ULK4: variants seen among roughly 807,000 people sequenced by gnomAD.
ULK4 encodes the protein inactive serine/threonine-protein kinase ULK4.
In ULK4, 133 loss-of-function variants were observed where a neutral mutation model predicts 160.6. The observed-to-expected ratio is 0.83, with a 90% CI of 0.72 to 0.96. ULK4 has a LOEUF of 0.96. ULK4 is among the 40% of genes least tolerant of loss of function. ULK4 has a pLI of 0.00. For missense variants in ULK4, 1,580 were observed against 1,499.5 expected, an observed-to-expected ratio of 1.05 and a Z score of -0.89; for synonymous variants, 534 against 539.8, an observed-to-expected ratio of 0.99 and a Z score of 0.15.
chr3:41,534,354 C>T (rs974618780), intron 32 of ULK4, among the ~76,000 whole-genome samples: 6 of 151,928 alleles, frequency 3.9e-5, no homozygotes, highest in Non-Finnish European at 8.8e-5. Context: ...CTGGTAAAAC[C>T]GAAGCTGGAA....
intron 16 of ULK4, among the ~76,000 whole-genome samples, chr3:41,891,498 A>C (rs1697964576): frequency 6.6e-6 from 1 of 151,994 alleles, no homozygotes; most frequent in South Asian, 2.1e-4. Flanking sequence ...AAAAAAAAAA[A>C]AGGTAAGGTT....
intron 6 of ULK4, 72 bp from the exon 7 acceptor site, chr3:41,918,612 T>C: frequency 3.0e-6 from 3 of 988,962 alleles, no homozygotes; most frequent in Non-Finnish European, 4.4e-6. Context: ...TTTTTTTTTT[T>C]TTTTTTTGAG....
At chr3:41,647,232 G>T (rs1559458887) in intron 30 of ULK4, among the ~76,000 whole-genome samples, 1 of 152,332 alleles carries the variant, frequency 6.6e-6, no homozygotes, top group Non-Finnish European at 1.5e-5. Context: ...TCCGTTGCTG[G>T]TGAGGAACTG....
Position 41,896,917 on chromosome 3 carries a change from T to G in ULK4, c.1435A>C (p.Met479Leu). ...TTCAGCTTGGCTCGGGAGGCCCCCA[T>G]GCTCTTCTCAGTGGAGTCGATCTGC... is the stretch of plus-strand genomic sequence containing the variant. Reference protein sequence around the residue: ...CSQIDSTEKSMGASRAKLNLL... With the variant: ...CSQIDSTEKSLGASRAKLNLL... Residue 479 changes from methionine to leucine, a missense_variant, in exon 15 of 37, where the codon ATG becomes CTG. Met to Leu is a conservative substitution (Grantham distance 15). Coordinates refer to ENST00000301831, the MANE Select transcript of ULK4 (RefSeq NM_017886.4). The G allele has an allele frequency of 1.2e-6, 2 of 1,613,544 alleles. No individual in the cohort carries two copies. Among genetic ancestry groups the G allele is most frequent in the Non-Finnish European group, 1.7e-6 (2 of 1,179,888 alleles).
At chr3:41,773,623 T>A (rs931220106) in intron 21 of ULK4, among the ~76,000 whole-genome samples, 1 of 152,048 alleles carries the variant, frequency 6.6e-6, no homozygotes, top group Admixed American at 6.6e-5. Context: ...GAAGAATCAA[T>A]ATCGTGAAAA....
rs559987013 is a variant in ULK4 at position 41,735,972 on chromosome 3, G to C, written c.2322-18111C>G. Reference sequence around the variant, plus strand: ...TTTTTTGTCCTTGCGATAGTTTGCTGAGAATGATGGTTTCCAGCTTCATCC... The same window carrying C: ...TTTTTTGTCCTTGCGATAGTTTGCTCAGAATGATGGTTTCCAGCTTCATCC... On this transcript the variant is annotated intron_variant, in intron 22 of 36. Coordinates refer to ENST00000301831, the MANE Select transcript of ULK4 (RefSeq NM_017886.4). Among the ~76,000 whole-genome samples the C allele has an allele frequency of 6.8e-3, 1,021 of 151,134 alleles. 8 individuals carry two copies. The highest frequency in any genetic ancestry group is 0.024 in the African/African-American group (986 of 41,150).
At chr3:41,725,782 C>A (rs189261834) in intron 22 of ULK4, among the ~76,000 whole-genome samples, 1 of 152,236 alleles carries the variant, frequency 6.6e-6, no homozygotes, top group African/African-American at 2.4e-5. Flanking sequence ...CTGAAAACTA[C>A]GGAGATACTC....
chr3:41,830,331 T>C (rs1423965034), intron 18 of ULK4, among the ~76,000 whole-genome samples: 2 of 152,066 alleles, frequency 1.3e-5, no homozygotes, highest in Non-Finnish European at 2.9e-5. Context: ...AATTACTCTC[T>C]ATATCTACTT....
At position 41,789,705 on chromosome 3, in the gene ULK4, T is replaced by C. The variant is rs375955735; in HGVS notation, c.2149A>G (p.Met717Val). The C allele has an allele frequency of 1.9e-6, 3 of 1,610,448 alleles. No homozygotes were observed. The highest frequency in any genetic ancestry group is 2.5e-6 in the Non-Finnish European group (3 of 1,178,548). Residue 717 changes from methionine to valine, a missense_variant, in exon 21 of 37, where the codon ATG (methionine) becomes GTG (valine). Met to Val is a conservative substitution (Grantham distance 21). Coordinates refer to ENST00000301831, the MANE Select transcript of ULK4 (RefSeq NM_017886.4). ...TGAAGATGAATCCCACAGGACAACA[T>C]GGCAGCGAATAAGGTCAACATGTAC... ...QQYMLTLFAA[M>V]LSCGIHLQRL...
At chr3:41,663,386 C>T (rs1390976058) in intron 30 of ULK4, among the ~76,000 whole-genome samples, 1 of 152,134 alleles carries the variant, frequency 6.6e-6, no homozygotes, top group Non-Finnish European at 1.5e-5. Context: ...AAGCAGCATG[C>T]ATTCCACAGT....
intron 27 of ULK4, among the ~76,000 whole-genome samples, chr3:41,688,409 A>T (rs1205472823): frequency 6.6e-6 from 1 of 152,196 alleles, no homozygotes; most frequent in Non-Finnish European, 1.5e-5. Flanking sequence ...ATAAACAAAC[A>T]AATAGATGGT....
At chr3:41,644,552 C>G (rs1224618025) in intron 30 of ULK4, among the ~76,000 whole-genome samples, 1 of 152,102 alleles carries the variant, frequency 6.6e-6, no homozygotes, top group Non-Finnish European at 1.5e-5. Flanking sequence ...CCCACTTGAT[C>G]ATGGTGGATA....
Position 41,901,479 on chromosome 3 carries a change from C to CTTTTTTTT in ULK4, c.1183-658_1183-651dup, listed in dbSNP as rs566805860. On this transcript the variant is annotated intron_variant, in intron 12 of 36. Transcript: ENST00000301831. ...ACAGGCGTGAGCCACCACGCCCAGC[C>CTTTTTTTT]TTTTTTTTTTTTTTTTTTTGAGATA... Among the ~76,000 whole-genome samples the CTTTTTTTT allele has an allele frequency of 9.3e-4, 21 of 22,544 alleles. 6 individuals carry two copies. In the East Asian group the frequency reaches 0.013, roughly 13 times the overall value. The allele number at this position is 22,544 out of a possible 152,430, so 14.8% of individuals were successfully genotyped here.
chr3:41,385,029 G>A (rs1439699894), intron 35 of ULK4, among the ~76,000 whole-genome samples: 1 of 151,896 alleles, frequency 6.6e-6, no homozygotes, highest in Non-Finnish European at 1.5e-5. Flanking sequence ...ATTCCTGCCT[G>A]AACAACAGAG....
At position 41,912,879 on chromosome 3, in the gene ULK4, A is replaced by G. The variant is rs1698837606; in HGVS notation, c.824T>C (p.Leu275Pro). ...AGCTTTCTTCCAAAATGAATGCTGCAGTAGCCTTGTCCAAGTCAATCTTTA... is the reference window on the plus strand; with the variant it reads ...AGCTTTCTTCCAAAATGAATGCTGCGGTAGCCTTGTCCAAGTCAATCTTTA... ...PQKRLTWTRL[L>P]QHSFWKKAFA... The change falls in exon 9 of 37, where the codon CTG (leucine) becomes CCG (proline). Residue 275 changes from leucine to proline, a missense_variant. By Grantham distance (98) the Leu-to-Pro change is moderately conservative (BLOSUM62 -3). Coordinates refer to ENST00000301831, the MANE Select transcript of ULK4 (RefSeq NM_017886.4). 1 of 1,614,046 alleles carries G rather than the reference A, an allele frequency of 6.2e-7. No homozygotes were observed. Among genetic ancestry groups the G allele is most frequent in the Non-Finnish European group, 8.5e-7 (1 of 1,180,028 alleles).
At position 41,897,015 on chromosome 3, in the gene ULK4, AG is replaced by A. The variant is rs1698183296; in HGVS notation, c.1349-13del. The A allele has an allele frequency of 1.9e-6, 3 of 1,593,438 alleles. No individual in the cohort carries two copies. Among genetic ancestry groups the A allele is most frequent in the African/African-American group, 1.4e-5 (1 of 73,990 alleles). ...TAATAACTTATCCACTGCGATGGAAAGAAAATAATAAAAGTACATATGATGA... is the reference window on the plus strand; with the variant it reads ...TAATAACTTATCCACTGCGATGGAAAAAAATAATAAAAGTACATATGATGA... On this transcript the variant is annotated splice_polypyrimidine_tract_variant and intron_variant, in intron 14 of 36. Coordinates refer to ENST00000301831, the MANE Select transcript of ULK4 (RefSeq NM_017886.4).
chr3:41,705,418 C>T (rs1490196253), intron 25 of ULK4, 113 bp from the exon 26 acceptor site: 9 of 677,160 alleles, frequency 1.3e-5, no homozygotes, highest in African/African-American at 3.6e-5. Context: ...AACTCATAGA[C>T]AGTATTAAAT....
intron 35 of ULK4, among the ~76,000 whole-genome samples, chr3:41,253,628 A>C (rs2078778787): frequency 6.6e-6 from 1 of 152,150 alleles, no homozygotes. Flanking sequence ...CACTGAACCT[A>C]ATCAGAAATC....
At chr3:41,943,420 C>G (rs1575994833) in intron 2 of ULK4, among the ~76,000 whole-genome samples, 1 of 152,118 alleles carries the variant, frequency 6.6e-6, no homozygotes. Flanking sequence ...TATACACGCA[C>G]TTTCCAGCCC....
Sources: allele counts gnomAD v4.1 joint callset (sites outside exome capture counted in the v4.1 genomes callset), GRCh38; gene constraint gnomAD v4.1.1; transcripts MANE v1.5; gene names NCBI Gene and HGNC (gene_info 2026-07-23, HGNC 2026-07-21).